Variants in ZFPM2 observed in about 807,000 individuals in gnomAD.
ZFPM2 encodes the protein zinc finger protein ZFPM2.
In ZFPM2, 20 loss-of-function variants were observed where a neutral mutation model predicts 98.6. That is an observed-to-expected ratio of 0.20 (90% CI 0.14 to 0.29). The LOEUF is 0.29. Ranked by LOEUF, ZFPM2 falls within the 10% of genes least tolerant of loss-of-function variation. The pLI is 1.00. For synonymous variants in ZFPM2, 518 were observed against 502.7 expected, an observed-to-expected ratio of 1.03 and a Z score of -0.41; for missense variants, 1,310 against 1,388.6, an observed-to-expected ratio of 0.94 and a Z score of 0.90.
rs187206984 is a variant in ZFPM2, at chr8:105,789,180, A to T, written c.739+256A>T. 7.6e-3 allele frequency among the ~76,000 whole-genome samples: 1,154 copies of T among 151,966 alleles called. 6 individuals are homozygous for T. Among genetic ancestry groups the T allele is most frequent in the Non-Finnish European group, 0.011 (771 of 67,980 alleles). On this transcript the variant is annotated intron_variant, in intron 6 of 7. Coordinates refer to ENST00000407775, the MANE Select transcript of ZFPM2 (RefSeq NM_012082.4). ...TACATGTGACATGCTGGTGCGCGGC[A>T]CCCACTAACTCGTCATCTAGCATTG...
chr8:105,750,648 A>G (rs1223663580), intron 5 of ZFPM2, among the ~76,000 whole-genome samples: 1 of 152,004 alleles, frequency 6.6e-6, no homozygotes, highest in African/African-American at 2.4e-5. Context: ...TGTTTTGACG[A>G]TGAAATTTTG....
At chr8:105,410,515 T>G (rs576847824) in intron 1 of ZFPM2, among the ~76,000 whole-genome samples, 1 of 152,056 alleles carries the variant, frequency 6.6e-6, no homozygotes, top group Non-Finnish European at 1.5e-5. Context: ...GTGCCCCATT[T>G]AAAACATCCT....
At chr8:105,740,278 G>T (rs1219717823) in intron 5 of ZFPM2, among the ~76,000 whole-genome samples, 1 of 151,830 alleles carries the variant, frequency 6.6e-6, no homozygotes, top group Non-Finnish European at 1.5e-5. Flanking sequence ...AAGAAGAAGA[G>T]AGGAACAAAA....
Position 105,803,041 on chromosome 8 carries a change from A to C in ZFPM2, c.2959A>C (p.Ile987Leu). 1 of 1,613,546 alleles carries C rather than the reference A, an allele frequency of 6.2e-7. No individual in the cohort carries two copies. Among genetic ancestry groups the C allele is most frequent in the Non-Finnish European group, 8.5e-7 (1 of 1,179,726 alleles). The change falls in exon 8 of 8, where the codon ATC becomes CTC. Residue 987 changes from isoleucine to leucine, a missense_variant. Transcript: ENST00000407775. ...GADQLSPYYGIKPSDYISGSL... is the reference protein window; with the variant it reads ...GADQLSPYYGLKPSDYISGSL... ...CGACCAGCTTTCTCCATATTATGGAATCAAGCCAAGTGATTATATTTCTGG... is the reference window on the plus strand; with the variant it reads ...CGACCAGCTTTCTCCATATTATGGACTCAAGCCAAGTGATTATATTTCTGG...
intron 4 of ZFPM2, among the ~76,000 whole-genome samples, chr8:105,590,760 A>ACG (rs1215773665): frequency 1.4e-5 from 2 of 143,332 alleles, no homozygotes; most frequent in African/African-American, 5.0e-5. Context: ...ATACGTGCGC[A>ACG]CGCACACACA....
chr8:105,701,419 G>A (rs1222410960), intron 5 of ZFPM2, among the ~76,000 whole-genome samples: 3 of 152,092 alleles, frequency 2.0e-5, no homozygotes, highest in Non-Finnish European at 4.4e-5. Context: ...TATTCTAAAA[G>A]CATATGTAAT....
chr8:105,787,344 T>C (rs1253405100), intron 5 of ZFPM2: 4 of 152,384 alleles, frequency 2.6e-5, no homozygotes, highest in African/African-American at 9.6e-5. Flanking sequence ...CATTTTAGTG[T>C]ATTTGTTTGT....
At chr8:105,437,144 A>G (rs1186084466) in intron 2 of ZFPM2, among the ~76,000 whole-genome samples, 1 of 152,136 alleles carries the variant, frequency 6.6e-6, no homozygotes, top group Non-Finnish European at 1.5e-5. Context: ...AATGTGATAT[A>G]TATTGCATAC....
intron 2 of ZFPM2, among the ~76,000 whole-genome samples, chr8:105,442,177 CA>C (rs34122458): frequency 0.16 from 21,411 of 131,236 alleles, 1,810 homozygotes; most frequent in African/African-American, 0.27. Flanking sequence ...ACTAAAAATA[CA>C]AAAAAAAAAA....
rs550837747 is a variant in ZFPM2 at position 105,680,774 on chromosome 8, T to C, written c.532+46417T>C. Reference sequence around the variant, plus strand: ...TAAGATTTGGAATATTTTTATAAGCTCTAAAAGACTTTGGGATCTCTAAAA... The same window carrying C: ...TAAGATTTGGAATATTTTTATAAGCCCTAAAAGACTTTGGGATCTCTAAAA... On this transcript the variant is annotated intron_variant, in intron 5 of 7. Coordinates refer to ENST00000407775, the MANE Select transcript of ZFPM2 (RefSeq NM_012082.4). 4.0e-4 allele frequency among the ~76,000 whole-genome samples: 61 copies of C among 152,252 alleles called. 1 individual carries two copies. In the South Asian group the frequency reaches 0.012, roughly 31 times the overall value.
intron 4 of ZFPM2, among the ~76,000 whole-genome samples, chr8:105,611,684 A>G (rs72673771): frequency 0.033 from 4,956 of 151,384 alleles, 125 homozygotes; most frequent in Non-Finnish European, 0.05. Flanking sequence ...CTCCTTTAAC[A>G]AATTAACAAA....
intron 5 of ZFPM2, among the ~76,000 whole-genome samples, chr8:105,774,670 ACTTAG>A: frequency 6.6e-6 from 1 of 152,202 alleles, no homozygotes; most frequent in East Asian, 1.9e-4. Flanking sequence ...TATACTTAAA[ACTTAG>A]TAAACCTTTA....
intron 7 of ZFPM2, among the ~76,000 whole-genome samples, chr8:105,799,667 A>C (rs560603115): frequency 2.1e-4 from 32 of 152,212 alleles, no homozygotes; most frequent in Non-Finnish European, 3.8e-4. Context: ...TATTTTTTAA[A>C]AAATGAATTT....
rs1359443682 is a variant in ZFPM2 at position 105,788,747 on chromosome 8, G to C, written c.562G>C (p.Ala188Pro). The C allele has an allele frequency of 1.9e-6, 3 of 1,613,928 alleles. No homozygotes were observed. The highest frequency in any genetic ancestry group is 2.5e-6 in the Non-Finnish European group (3 of 1,179,850). Residue 188 changes from alanine to proline, a missense_variant, in exon 6 of 8, where the codon GCC (alanine) becomes CCC (proline). Transcript: ENST00000407775. ...TCAGCTTTGGTGTACAACTACGAAG[G>C]CCATCTCTGAGGGTGAAGAGCTAAT... ...GGQLWCTTTK[A>P]ISEGEELIAF...
rs115267952 is a variant in ZFPM2 at position 105,544,667 on chromosome 8, A to T, written c.302-16696A>T. 3.5e-3 allele frequency among the ~76,000 whole-genome samples: 526 copies of T among 152,346 alleles called. 4 individuals carry two copies. Among genetic ancestry groups the T allele is most frequent in the African/African-American group, 0.012 (495 of 41,592 alleles). ...TAAAGGTGGAAGTGTTTGCTTCTTC[A>T]TGGACACAAGTTGGGTTTGCAGTAT... On this transcript the variant is annotated intron_variant, in intron 3 of 7. Transcript: ENST00000407775.
chr8:105,355,898 C>T (rs780337413), intron 1 of ZFPM2, among the ~76,000 whole-genome samples: 3 of 152,170 alleles, frequency 2.0e-5, no homozygotes, highest in Non-Finnish European at 4.4e-5. Context: ...TAGATGTCAT[C>T]AGATTTTGTA....
At chr8:105,560,856 T>C (rs1815119850) in intron 3 of ZFPM2, among the ~76,000 whole-genome samples, 1 of 152,180 alleles carries the variant, frequency 6.6e-6, no homozygotes, top group Non-Finnish European at 1.5e-5. Flanking sequence ...CGTCTAAACA[T>C]TTTTTATTTG....
chr8:105,483,039 T>TTCCTTCCTTCCTTCCTTCC (rs2069494941), intron 3 of ZFPM2, among the ~76,000 whole-genome samples: 1 of 49,900 alleles, frequency 2.0e-5, no homozygotes, highest in African/African-American at 7.7e-5. Context: ...TCCTTCCTTC[T>TTCCTTCCTTCCTTCCTTCC]TTATTTTAAC....
chr8:105,716,402 A>G (rs547997579), intron 5 of ZFPM2, among the ~76,000 whole-genome samples: 1 of 151,998 alleles, frequency 6.6e-6, no homozygotes, highest in South Asian at 2.1e-4. Flanking sequence ...ACCAGTTTAT[A>G]CATACACACA....
Sources: allele counts gnomAD v4.1 joint callset (sites outside exome capture counted in the v4.1 genomes callset), GRCh38; gene constraint gnomAD v4.1.1; transcripts MANE v1.5; gene names NCBI Gene and HGNC (gene_info 2026-07-23, HGNC 2026-07-21).